Variants in DLGAP2 observed in about 807,000 individuals in gnomAD.
The protein encoded by DLGAP2 is disks large-associated protein 2.
In DLGAP2, 26 loss-of-function variants were observed where a neutral mutation model predicts 100.3. The observed-to-expected ratio is 0.26, with a 90% CI of 0.19 to 0.36. DLGAP2 has a LOEUF of 0.36. Ranked by LOEUF, DLGAP2 falls within the 10% of genes least tolerant of loss-of-function variation. The pLI is 1.00. For synonymous variants in DLGAP2, 886 were observed against 630.1 expected (o/e 1.41, Z -6.08); for missense variants, 1,858 against 1,453.2 (o/e 1.28, Z -4.53).
intron 3 of DLGAP2, among the ~76,000 whole-genome samples, chr8:1,466,813 G>A (rs985498886): frequency 3.3e-5 from 5 of 152,152 alleles, no homozygotes; most frequent in Non-Finnish European, 5.9e-5. Flanking sequence ...TTTCCAGGAA[G>A]TGGCCAGAAC....
chr8:962,769 C>T (rs1320970333), intron 2 of DLGAP2, among the ~76,000 whole-genome samples: 2 of 152,182 alleles, frequency 1.3e-5, no homozygotes, highest in Admixed American at 6.5e-5. Flanking sequence ...GTGGTCACGG[C>T]AGGGAGCATG....
chr8:1,199,005 C>T (rs1033133525), intron 2 of DLGAP2, among the ~76,000 whole-genome samples: 2 of 152,192 alleles, frequency 1.3e-5, no homozygotes, highest in African/African-American at 4.8e-5. Context: ...TTCAGCTGCT[C>T]CTTAAAATGC....
chr8:1,283,859 C>T (rs560779898), intron 3 of DLGAP2, among the ~76,000 whole-genome samples: 6 of 152,170 alleles, frequency 3.9e-5, no homozygotes, highest in East Asian at 1.9e-4. Flanking sequence ...CTACATCGTT[C>T]GTGGGATACA....
intron 3 of DLGAP2, among the ~76,000 whole-genome samples, chr8:1,267,193 C>T (rs28594789): frequency 6.6e-6 from 1 of 151,398 alleles, no homozygotes; most frequent in Non-Finnish European, 1.5e-5. Context: ...GATTGCACCA[C>T]TGCACTCCAG....
intron 3 of DLGAP2, among the ~76,000 whole-genome samples, chr8:1,423,541 C>G (rs147362742): frequency 5.6e-4 from 86 of 152,342 alleles, no homozygotes; most frequent in African/African-American, 2.0e-3. Flanking sequence ...GCTTAATACT[C>G]CTGAAGTGTT....
Position 1,610,658 on chromosome 8 carries a change from A to G in DLGAP2, c.1443-16082A>G, listed in dbSNP as rs1371165965. On this transcript the variant is annotated intron_variant, in intron 6 of 14. Coordinates refer to ENST00000637795, the MANE Select transcript of DLGAP2 (RefSeq NM_001346810.2). ...GACCGCTAGCAAGACTAATAAAGAA[A>G]AAAAGAGAGAAGAATCAAATAGACA... Among the ~76,000 whole-genome samples, 996 of 130,270 alleles carry G rather than the reference A, an allele frequency of 7.6e-3. 10 individuals carry two copies. Among genetic ancestry groups the G allele is most frequent in the African/African-American group, 0.03 (911 of 30,422 alleles). 85.5% of individuals were successfully genotyped at this position (130,270 alleles called of 152,430 possible).
At chr8:870,357 A>G (rs891141442) in intron 1 of DLGAP2, among the ~76,000 whole-genome samples, 1 of 152,260 alleles carries the variant, frequency 6.6e-6, no homozygotes, top group African/African-American at 2.4e-5. Context: ...AGGTACTGAC[A>G]GCTCTTAAAA....
chr8:1,019,760 C>T (rs920498158), intron 2 of DLGAP2: 1 of 152,196 alleles, frequency 6.6e-6, no homozygotes, highest in East Asian at 1.9e-4. Context: ...CACTTCTGCC[C>T]TCCCGCCGAC....
intron 2 of DLGAP2, among the ~76,000 whole-genome samples, chr8:1,113,186 C>CT (rs200602098): frequency 9.9e-5 from 15 of 151,840 alleles, no homozygotes; most frequent in Admixed American, 3.3e-4. Context: ...GATATTTGGG[C>CT]TTTTTTTTGG....
Position 1,348,542 on chromosome 8 carries a change from G to A in DLGAP2, c.106+89659G>A, listed in dbSNP as rs918716349. 3.3e-5 allele frequency among the ~76,000 whole-genome samples: 5 copies of A among 150,618 alleles called. No homozygotes were observed. In the East Asian group the frequency reaches 1.0e-3, roughly 30 times the overall value. On this transcript the variant is annotated intron_variant, in intron 3 of 14. Transcript: ENST00000637795. ...TGTTTGGAGATTGAGTTCCCACATA[G>A]AGCTGCATTGCACTCGTGGTAGCTA...
chr8:1,192,395 C>T (rs968335692), intron 2 of DLGAP2, among the ~76,000 whole-genome samples: 10 of 152,192 alleles, frequency 6.6e-5, no homozygotes, highest in African/African-American at 1.9e-4. Context: ...AGATGGATCA[C>T]CTCACTTTTT....
intron 2 of DLGAP2, among the ~76,000 whole-genome samples, chr8:1,062,202 C>A (rs1803104960): frequency 6.6e-6 from 1 of 152,186 alleles, no homozygotes; most frequent in Non-Finnish European, 1.5e-5. Context: ...CCCACATCCA[C>A]ATGGAGTCGA....
Position 972,951 on chromosome 8 carries a change from A to G in DLGAP2, c.73+64985A>G, listed in dbSNP as rs573378166. Among the ~76,000 whole-genome samples the G allele has an allele frequency of 2.0e-5, 3 of 152,356 alleles. No individual in the cohort carries two copies. The South Asian group carries it at 6.2e-4, about 32-fold the overall frequency. ...CGTGTTGGGGGTAAGGTCATAGATA[A>G]CAGCATTCCAAGGCAGAAGAATTTT... On this transcript the variant is annotated intron_variant, in intron 2 of 14. Transcript: ENST00000637795.
At chr8:1,408,040 C>CA (rs1796621776) in intron 3 of DLGAP2, among the ~76,000 whole-genome samples, 1 of 152,222 alleles carries the variant, frequency 6.6e-6, no homozygotes. Flanking sequence ...TCAGGACAAC[C>CA]AAAAATGCCT....
At chr8:1,475,991 G>A (rs902560796) in intron 3 of DLGAP2, among the ~76,000 whole-genome samples, 5 of 152,112 alleles carry the variant, frequency 3.3e-5, no homozygotes, top group Admixed American at 3.3e-4. Context: ...TTTGCTGGAG[G>A]CAGAGCTGGC....
Position 1,703,027 on chromosome 8 carries a change from T to C in DLGAP2, c.*1621T>C, listed in dbSNP as rs1359390641. 1 of 152,786 alleles carries C rather than the reference T, an allele frequency of 6.5e-6. No homozygotes were observed. The highest frequency in any genetic ancestry group is 1.5e-5 in the Non-Finnish European group (1 of 68,138). The allele number at this position is 152,786 out of a possible 1,614,324, so 9.5% of individuals were successfully genotyped here. Reference sequence around the variant, plus strand: ...AGCCCGTGGCTGGCAGGGCGTTCGATGTGCGGTTGGCCCCCAGCGCGCCCT... The same window carrying C: ...AGCCCGTGGCTGGCAGGGCGTTCGACGTGCGGTTGGCCCCCAGCGCGCCCT... On this transcript the variant is annotated 3_prime_UTR_variant, in exon 15 of 15. Transcript: ENST00000637795.
intron 1 of DLGAP2, among the ~76,000 whole-genome samples, chr8:816,124 A>G (rs1796472354): frequency 1.3e-5 from 2 of 152,160 alleles, no homozygotes; most frequent in South Asian, 4.1e-4. Flanking sequence ...TAGTCTCTTG[A>G]AGACAGCAGA....
At chr8:1,597,700 A>G (rs1796503167) in intron 6 of DLGAP2, among the ~76,000 whole-genome samples, 1 of 152,046 alleles carries the variant, frequency 6.6e-6, no homozygotes, top group Non-Finnish European at 1.5e-5. Flanking sequence ...AATGCTTGTG[A>G]TTTTTGCACA....
chr8:1,423,908 C>T (rs1437279622), intron 3 of DLGAP2, among the ~76,000 whole-genome samples: 5 of 152,226 alleles, frequency 3.3e-5, no homozygotes, highest in Non-Finnish European at 5.9e-5. Flanking sequence ...AAATATCCCA[C>T]GTTCAGAAGA....
Sources: gnomAD v4.1 joint callset for allele counts (sites outside exome capture counted in the v4.1 genomes callset) on GRCh38, gnomAD v4.1.1 for gene constraint, MANE v1.5 for transcripts, NCBI Gene and HGNC (gene_info 2026-07-23, HGNC 2026-07-21) for gene names.